The following PEX26 variants were observed in gnomAD, a reference collection of about 807,000 sequenced individuals.
The protein encoded by PEX26 is peroxisome assembly protein 26.
In PEX26, 18 loss-of-function variants were observed where a neutral mutation model predicts 31.4. That is an observed-to-expected ratio of 0.57 (90% CI 0.40 to 0.85). PEX26 has a LOEUF of 0.85. PEX26 is among the 40% of genes least tolerant of loss of function. The pLI is 0.00. For synonymous variants in PEX26, 176 were observed against 166.9 expected (o/e 1.05, Z -0.42); for missense variants, 377 against 383.9 (o/e 0.98, Z 0.15).
chr22:18,084,436 G>A (rs1231991957), intron 3 of PEX26, among the ~76,000 whole-genome samples: 1 of 151,844 alleles, frequency 6.6e-6, no homozygotes, highest in Admixed American at 6.6e-5. Context: ...GTAGAGACGG[G>A]GTTTCACCGT....
intron 4 of PEX26, 75 bp from the exon 5 acceptor site, chr22:18,087,897 C>T: frequency 1.0e-6 from 1 of 955,668 alleles, no homozygotes; most frequent in South Asian, 1.3e-5. Flanking sequence ...GTAGTGGAGT[C>T]TCCCAGGGTG....
rs362111 is a variant in PEX26, at chr22:18,104,498, C to G, written c.*16423C>G. 0.98 allele frequency: 149,256 copies of G among 152,294 alleles called. 73,162 individuals are homozygous for G. Among genetic ancestry groups the G allele is most frequent in the African/African-American group, 0.99 (41,305 of 41,540 alleles). The allele number at this position is 152,294 out of a possible 1,614,324, so 9.4% of individuals were successfully genotyped here. ...TTACAGGCATGAGCCATCGCACCCG[C>G]CTCTTTAGGTGTTCTTTTAGGAGCT... On this transcript the variant is annotated 3_prime_UTR_variant, in exon 5 of 5. Coordinates refer to ENST00000399744, the MANE Select transcript of PEX26 (RefSeq NM_001127649.3).
Position 18,078,409 on chromosome 22 carries a change from C to T in PEX26, c.33C>T (p.Pro11=), listed in dbSNP as rs199668827. 5 of 1,597,198 alleles carry T rather than the reference C, an allele frequency of 3.1e-6. No individual in the cohort carries two copies. Among genetic ancestry groups the T allele is most frequent in the South Asian group, 2.2e-5 (2 of 89,334 alleles). MKSDSSTSAA[P]LRGLGGPLRS... is the part of the protein sequence containing the mutation. ...GCGATTCTTCGACCTCTGCAGCCCC[C>T]CTCAGGGGGCTCGGGGGACCCCTGC... Residue 11 remains proline, a synonymous_variant, in exon 1 of 5, where the codon CCC becomes CCT. Transcript: ENST00000399744.
chr22:18,083,368 A>T, intron 2 of PEX26, 69 bp from the exon 3 acceptor site: 2 of 1,499,424 alleles, frequency 1.3e-6, no homozygotes, highest in South Asian at 2.3e-5. Context: ...CATAGTGGTC[A>T]TGGGAAATGA....
At chr22:18,084,075 C>A (rs1926732489) in intron 3 of PEX26, among the ~76,000 whole-genome samples, 1 of 152,128 alleles carries the variant, frequency 6.6e-6, no homozygotes, top group Non-Finnish European at 1.5e-5. Context: ...ATGCTGGCCC[C>A]AATACAGACA....
Position 18,078,548 on chromosome 22 carries a change from T to C in PEX26, c.172T>C (p.Cys58Arg). Residue 58 changes from cysteine to arginine, a missense_variant, in exon 1 of 5, where the codon TGC (cysteine) becomes CGC (arginine). Cys to Arg is a radical substitution (Grantham distance 180). Coordinates refer to ENST00000399744, the MANE Select transcript of PEX26 (RefSeq NM_001127649.3). ...HLDFRAALET[C>R]ERAWQSLANH... ...GGACTTCCGGGCGGCGCTGGAGACC[T>C]GCGAGCGGGCCTGGCAGAGTCTGGC... is the stretch of plus-strand genomic sequence containing the variant. 2 of 1,589,118 alleles carry C rather than the reference T, an allele frequency of 1.3e-6. No homozygotes were observed. Among genetic ancestry groups the C allele is most frequent in the South Asian group, 1.1e-5 (1 of 88,148 alleles).
rs888400806 is a variant in PEX26, at chr22:18,094,451, A to G, written c.*6376A>G. On this transcript the variant is annotated 3_prime_UTR_variant, in exon 5 of 5. Coordinates refer to ENST00000399744, the MANE Select transcript of PEX26 (RefSeq NM_001127649.3). ...ATGGTCTCGATCTCCTGACCTCGTG[A>G]TCCGCCTCCCACAGTGCTGGGATTA... 2.6e-5 allele frequency: 4 copies of G among 152,302 alleles called. No homozygotes were observed. Among genetic ancestry groups the G allele is most frequent in the Admixed American group, 1.3e-4 (2 of 15,276 alleles). 9.4% of individuals were successfully genotyped at this position (152,302 alleles called of 1,614,324 possible).
chr22:18,086,629 A>C (rs1332671063), intron 4 of PEX26, among the ~76,000 whole-genome samples: 2 of 152,198 alleles, frequency 1.3e-5, no homozygotes, highest in East Asian at 3.8e-4. Context: ...CATGAAGCCA[A>C]ACTTGGCACT....
intron 4 of PEX26, 148 bp from the exon 5 acceptor site, chr22:18,087,824 C>T: frequency 1.3e-6 from 1 of 749,762 alleles, no homozygotes. Flanking sequence ...GTACTCTAGC[C>T]TAGGTGACAG....
rs200279475 is a variant in PEX26, at chr22:18,078,408, C to T, written c.32C>T (p.Pro11Leu). MKSDSSTSAA[P>L]LRGLGGPLRS... ...AGCGATTCTTCGACCTCTGCAGCCCCCCTCAGGGGGCTCGGGGGACCCCTG... is the reference window on the plus strand; with the variant it reads ...AGCGATTCTTCGACCTCTGCAGCCCTCCTCAGGGGGCTCGGGGGACCCCTG... The change falls in exon 1 of 5, where the codon CCC becomes CTC. Residue 11 changes from proline (P) to leucine (L), a missense_variant. Transcript: ENST00000399744. 7.7e-5 allele frequency: 123 copies of T among 1,597,642 alleles called. 1 individual carries two copies. In the Middle Eastern group the frequency reaches 8.3e-4, roughly 11 times the overall value.
chr22:18,082,232 A>G (rs1926644938), intron 2 of PEX26, among the ~76,000 whole-genome samples: 1 of 151,196 alleles, frequency 6.6e-6, no homozygotes, highest in South Asian at 2.1e-4. Flanking sequence ...TCATTTGTCC[A>G]TTTTTGCTTT....
rs1927432112 is a variant in PEX26, at chr22:18,100,864, T to C, written c.*12789T>C. 1 of 152,194 alleles carries C rather than the reference T, an allele frequency of 6.6e-6. No homozygotes were observed. The highest frequency in any genetic ancestry group is 1.5e-5 in the Non-Finnish European group (1 of 68,034). The allele number at this position is 152,194 out of a possible 1,614,324, so 9.4% of individuals were successfully genotyped here. A position where few individuals can be genotyped will look rare whatever the true frequency, so the allele number is the denominator to read the frequency against. On this transcript the variant is annotated 3_prime_UTR_variant, in exon 5 of 5. Coordinates refer to ENST00000399744, the MANE Select transcript of PEX26 (RefSeq NM_001127649.3). ...AACAAACTGATCTATATGGAAAGGA[T>C]TTTCAGCAAACATGCACAAACACAG... is the stretch of plus-strand genomic sequence containing the variant.
rs1391285397 is a variant in PEX26, at chr22:18,091,309, A to G, written c.*3234A>G. 24 of 152,388 alleles carry G rather than the reference A, an allele frequency of 1.6e-4. No homozygotes were observed. Among genetic ancestry groups the G allele is most frequent in the Admixed American group, 1.5e-3 (23 of 15,312 alleles). 9.4% of individuals were successfully genotyped at this position (152,388 alleles called of 1,614,324 possible). A position where few individuals can be genotyped will look rare whatever the true frequency, so the allele number is the denominator to read the frequency against. ...ACAAATGATAGTAGTCACATACACT[A>G]CACACACTGTGCCACGTTTAAAAAG... On this transcript the variant is annotated 3_prime_UTR_variant, in exon 5 of 5. Coordinates refer to ENST00000399744, the MANE Select transcript of PEX26 (RefSeq NM_001127649.3).
At chr22:18,080,088 C>A in intron 2 of PEX26, 74 bp downstream of exon 2, 1 of 1,487,238 alleles carries the variant, frequency 6.7e-7, no homozygotes, top group Non-Finnish European at 9.3e-7. Context: ...TAAATACCTA[C>A]TCTTTTCCCC....
chr22:18,091,847 C>T lies in PEX26; in HGVS notation c.*3772C>T, dbSNP rs1326660493. 1 of 152,258 alleles carries T rather than the reference C, an allele frequency of 6.6e-6. No individual in the cohort carries two copies. Among genetic ancestry groups the T allele is most frequent in the Non-Finnish European group, 1.5e-5 (1 of 68,114 alleles). 9.4% of individuals were successfully genotyped at this position (152,258 alleles called of 1,614,324 possible). A position where few individuals can be genotyped will look rare whatever the true frequency, so the allele number is the denominator to read the frequency against. On this transcript the variant is annotated 3_prime_UTR_variant, in exon 5 of 5. Transcript: ENST00000399744. ...CAAGTTTAGGGTGAGCAGCAGTGGT[C>T]AGAGCTCTTTACTATTACTTTTGGG...
At chr22:18,079,618 C>G (rs562317574) in intron 1 of PEX26, among the ~76,000 whole-genome samples, 1 of 152,306 alleles carries the variant, frequency 6.6e-6, no homozygotes, top group South Asian at 2.1e-4. Context: ...TCATTTAAAT[C>G]TGATTTCACC....
At chr22:18,087,381 G>T (rs1424219817) in intron 4 of PEX26, among the ~76,000 whole-genome samples, 1 of 152,066 alleles carries the variant, frequency 6.6e-6, no homozygotes, top group East Asian at 1.9e-4. Context: ...GGCCAGCGAG[G>T]TTTCCGTCAC....
intron 2 of PEX26, among the ~76,000 whole-genome samples, chr22:18,082,862 A>G (rs1185407762): frequency 6.6e-6 from 1 of 152,198 alleles, no homozygotes; most frequent in Non-Finnish European, 1.5e-5. Context: ...GTCCCCTTCA[A>G]CTTCTTTCAT....
intron 4 of PEX26, among the ~76,000 whole-genome samples, chr22:18,086,966 G>A (rs1602467342): frequency 2.0e-5 from 3 of 152,042 alleles, no homozygotes; most frequent in Non-Finnish European, 1.5e-5. Flanking sequence ...AGGCTGGAGT[G>A]CACCGGCGTG....
Sources: allele counts gnomAD v4.1 joint callset (sites outside exome capture counted in the v4.1 genomes callset), GRCh38; gene constraint gnomAD v4.1.1; transcripts MANE v1.5; gene names NCBI Gene and HGNC (gene_info 2026-07-23, HGNC 2026-07-21).